The following PACRGL variants were observed in gnomAD, a reference collection of about 807,000 sequenced individuals.
PACRGL encodes PACRG-like protein.
Under a neutral mutation model 34.5 loss-of-function variants are expected in PACRGL, and 38 were observed. That is an observed-to-expected ratio of 1.10 (90% CI 0.85 to 1.44). PACRGL has a LOEUF of 1.44. Among genes scored for constraint, PACRGL ranks in the 40% most tolerant of loss-of-function variants. The pLI, the probability that PACRGL is intolerant of heterozygous loss-of-function variation, is 0.00. For synonymous variants in PACRGL, 128 were observed against 100.1 expected, an observed-to-expected ratio of 1.28 and a Z score of -1.66; for missense variants, 305 against 281.4, an observed-to-expected ratio of 1.08 and a Z score of -0.60.
downstream of PACRGL, chr4:20,734,564 A>G (rs561732995): frequency 1.4e-5 from 11 of 788,836 alleles, no homozygotes; most frequent in East Asian, 3.2e-4. Flanking sequence ...ATTGCAATTA[A>G]TATTTTAAAG....
downstream of PACRGL, among the ~76,000 whole-genome samples, chr4:20,755,154 G>T (rs1288830974): frequency 6.6e-6 from 1 of 152,136 alleles, no homozygotes; most frequent in African/African-American, 2.4e-5. Flanking sequence ...TGGGGTGGGA[G>T]AGTTGTCATC....
At chr4:20,701,872 A>G (rs1732335020) in intron 1 of PACRGL, 1 of 456,418 alleles carries the variant, frequency 2.2e-6, no homozygotes, top group African/African-American at 2.0e-5. Flanking sequence ...GCCAACTGTA[A>G]TTTGTCGTTA....
At chr4:20,740,449 C>T (rs547687792) in intron 8 of PACRGL, among the ~76,000 whole-genome samples, 1 of 152,198 alleles carries the variant, frequency 6.6e-6, no homozygotes, top group African/African-American at 2.4e-5. Context: ...AATTTTCAAC[C>T]CAGAATTTCA....
chr4:20,762,131 G>A, the PACRGL span, among the ~76,000 whole-genome samples: 1 of 152,178 alleles, frequency 6.6e-6, no homozygotes, highest in Non-Finnish European at 1.5e-5. Context: ...TAAGACCATA[G>A]GATTAGCAGA....
At chr4:20,724,636 G>GT (rs1041172774) in intron 7 of PACRGL, among the ~76,000 whole-genome samples, 172 bp from the exon 8 acceptor site, 5 of 152,090 alleles carry the variant, frequency 3.3e-5, no homozygotes, top group Admixed American at 3.3e-4. Flanking sequence ...TAAATTCATT[G>GT]TTTTTTAAAA....
chr4:20,723,887 T>G (rs1205408860), intron 7 of PACRGL, among the ~76,000 whole-genome samples: 1 of 152,120 alleles, frequency 6.6e-6, no homozygotes, highest in Non-Finnish European at 1.5e-5. Flanking sequence ...CCACTAACTA[T>G]GAGACAGACA....
rs531079831 is a variant in PACRGL, at chr4:20,744,764, T to G, written c.*57-7801T>G. On this transcript the variant is annotated intron_variant, in intron 8 of 8. Transcript: ENST00000507634. The stretch of plus-strand genomic sequence containing the variant: ...CACATGTACCCTAGAACTTAAAGAA[T>G]AATAATAATAAAAATATAAAATAAA... Among the ~76,000 whole-genome samples, 53 of 150,538 alleles carry G rather than the reference T, an allele frequency of 3.5e-4. No homozygotes were observed. In the Middle Eastern group the frequency reaches 0.01, roughly 29 times the overall value.
At chr4:20,702,126 A>G (rs917991008) in intron 1 of PACRGL, 3 of 455,860 alleles carry the variant, frequency 6.6e-6, no homozygotes, top group Non-Finnish European at 8.8e-6. Flanking sequence ...ATATAATGCA[A>G]CACCTCCCCA....
chr4:20,703,271 T>G (rs901206570), intron 1 of PACRGL, among the ~76,000 whole-genome samples: 2 of 152,158 alleles, frequency 1.3e-5, no homozygotes, highest in African/African-American at 4.8e-5. Context: ...CAGTCATTAT[T>G]AAAGGCATTA....
chr4:20,741,281 C>G (rs1751026479), intron 8 of PACRGL, among the ~76,000 whole-genome samples: 1 of 152,124 alleles, frequency 6.6e-6, no homozygotes, highest in Non-Finnish European at 1.5e-5. Flanking sequence ...CTTCTCAGCA[C>G]TACGTCACAC....
In PACRGL at chr4:20,727,905, C is replaced by T. The variant is rs939558223; in HGVS notation, c.*564C>T. On this transcript the variant is annotated 3_prime_UTR_variant, in exon 9 of 9. Transcript: ENST00000503585. ...TGTGCTCAGATGATCCTTTTCATCT[C>T]AGCCTCCTGATTAGCTGGGACTATA... 1 of 152,812 alleles carries T rather than the reference C, an allele frequency of 6.5e-6. No individual in the cohort carries two copies. Among genetic ancestry groups the T allele is most frequent in the Non-Finnish European group, 1.5e-5 (1 of 68,536 alleles). 9.5% of individuals were successfully genotyped at this position (152,812 alleles called of 1,614,324 possible).
chr4:20,700,006 A>T (rs1419339630), upstream of PACRGL, among the ~76,000 whole-genome samples: 1 of 152,198 alleles, frequency 6.6e-6, no homozygotes. Flanking sequence ...ATAGAACAGG[A>T]AACTACAAGA....
chr4:20,702,306 GC>G (rs1732544198), intron 1 of PACRGL: 2 of 429,178 alleles, frequency 4.7e-6, no homozygotes, highest in African/African-American at 4.1e-5. Flanking sequence ...TCTTTGCTGT[GC>G]ATCGCTTTTA....
chr4:20,753,459 A>G (rs192392742), downstream of PACRGL, among the ~76,000 whole-genome samples: 1 of 152,280 alleles, frequency 6.6e-6, no homozygotes, highest in Admixed American at 6.5e-5. Context: ...AATTATATCG[A>G]GAACACAGTG....
chr4:20,699,537 A>G (rs1259581825), upstream of PACRGL, among the ~76,000 whole-genome samples: 2 of 152,344 alleles, frequency 1.3e-5, no homozygotes, highest in East Asian at 3.9e-4. Flanking sequence ...GAAACTCACA[A>G]TCTAATGAAG....
intron 1 of PACRGL, among the ~76,000 whole-genome samples, 168 bp downstream of exon 1, chr4:20,700,955 G>A (rs1033840426): frequency 3.3e-5 from 5 of 152,016 alleles, no homozygotes; most frequent in Admixed American, 1.3e-4. Context: ...TAGATTCTAA[G>A]ACCCCTAAGC....
At chr4:20,752,794 A>G (rs1753878670) in exon 9 of PACRGL, 1 of 152,210 alleles carries the variant, frequency 6.6e-6, no homozygotes, top group African/African-American at 2.4e-5. Context: ...CTAGGCAGAA[A>G]ACTGGATAAA....
At chr4:20,742,591 A>AACCC (rs1194678200) in intron 8 of PACRGL, among the ~76,000 whole-genome samples, 1 of 152,170 alleles carries the variant, frequency 6.6e-6, no homozygotes, top group South Asian at 2.1e-4. Flanking sequence ...ATTTATGGCA[A>AACCC]ACCCACAGCC....
Position 20,719,956 on chromosome 4 carries a change from T to G in PACRGL, c.610-4852T>G, listed in dbSNP as rs541617321. Among the ~76,000 whole-genome samples the G allele has an allele frequency of 7.9e-3, 1,200 of 152,208 alleles. 19 individuals carry two copies. Among genetic ancestry groups the G allele is most frequent in the African/African-American group, 0.027 (1,139 of 41,522 alleles). ...GTTAAAGTCTCCCATTATTATTGTG[T>G]GGGAGTCGAAATCTCTTTGTAGGTC... On this transcript the variant is annotated intron_variant, in intron 7 of 8. Transcript: ENST00000503585.
Sources: allele counts gnomAD v4.1 joint callset (sites outside exome capture counted in the v4.1 genomes callset), GRCh38; gene constraint gnomAD v4.1.1; transcripts MANE v1.5; gene names NCBI Gene and HGNC (gene_info 2026-07-23, HGNC 2026-07-21).